Variants in GALNT10 observed in about 807,000 individuals in gnomAD.
GALNT10 encodes the protein polypeptide N-acetylgalactosaminyltransferase 10, also known as GalNAc transferase 10.
GALNT10 carries 41 observed loss-of-function variants against 75.0 expected under a neutral mutation model. The ratio of observed to expected loss-of-function variants is 0.55; its 90% confidence interval spans 0.43 to 0.71. The LOEUF (loss-of-function observed/expected upper bound fraction) is 0.71, where lower values mean the gene tolerates loss of function less well. GALNT10 is among the 30% of genes least tolerant of loss of function. The pLI is 0.00. For synonymous variants in GALNT10, 302 were observed against 313.0 expected, an observed-to-expected ratio of 0.96 and a Z score of 0.37; for missense variants, 727 against 818.5, an observed-to-expected ratio of 0.89 and a Z score of 1.36.
intron 4 of GALNT10, among the ~76,000 whole-genome samples, chr5:154,331,173 T>G (rs927414315): frequency 2.6e-5 from 4 of 152,136 alleles, no homozygotes; most frequent in Non-Finnish European, 5.9e-5. Flanking sequence ...TCACCACTGA[T>G]CCCAGCTCCT....
chr5:154,373,502 G>A (rs1755609382), intron 4 of GALNT10, among the ~76,000 whole-genome samples: 1 of 152,134 alleles, frequency 6.6e-6, no homozygotes, highest in South Asian at 2.1e-4. Context: ...TCCACTCTGA[G>A]CCTCGGCATC....
intron 7 of GALNT10, chr5:154,387,530 T>C (rs1755824738): frequency 2.0e-5 from 3 of 152,216 alleles, no homozygotes; most frequent in Admixed American, 2.0e-4. Flanking sequence ...GAATTAAGGC[T>C]TTGGTATTGG....
At chr5:154,407,292 A>G (rs1756301314) in intron 8 of GALNT10, among the ~76,000 whole-genome samples, 1 of 152,182 alleles carries the variant, frequency 6.6e-6, no homozygotes, top group South Asian at 2.1e-4. Context: ...TGAAATCCCA[A>G]GGTCCTTTTT....
intron 4 of GALNT10, among the ~76,000 whole-genome samples, chr5:154,363,312 T>C (rs996658176): frequency 2.6e-5 from 4 of 151,926 alleles, no homozygotes; most frequent in Non-Finnish European, 5.9e-5. Flanking sequence ...AAATGCATCA[T>C]ATTTAGAATC....
At chr5:154,293,610 T>C (rs1754228290) in intron 1 of GALNT10, among the ~76,000 whole-genome samples, 1 of 144,716 alleles carries the variant, frequency 6.9e-6, no homozygotes, top group South Asian at 2.1e-4. Flanking sequence ...TATATATATA[T>C]ATATTTTTTT....
chr5:154,399,059 A>G (rs757614048), intron 7 of GALNT10, among the ~76,000 whole-genome samples: 13 of 152,136 alleles, frequency 8.5e-5, no homozygotes, highest in Non-Finnish European at 1.8e-4. Flanking sequence ...AGCCATCATC[A>G]TCCCCACATC....
intron 6 of GALNT10, among the ~76,000 whole-genome samples, chr5:154,383,893 G>A (rs1755770240): frequency 6.6e-6 from 1 of 152,190 alleles, no homozygotes; most frequent in Admixed American, 6.5e-5. Context: ...AGAACTGCCT[G>A]AGACTGGGTA....
rs147858490 is a variant in GALNT10, at chr5:154,220,772, A to T, written c.159+29747A>T. On this transcript the variant is annotated intron_variant, in intron 1 of 11. Coordinates refer to ENST00000297107, the MANE Select transcript of GALNT10 (RefSeq NM_198321.4). The stretch of plus-strand genomic sequence containing the variant: ...GGTCTGGACTAGAAGAAGTCCAGGT[A>T]CCTTTCTGACAGACTCTGGGGTGAA... Among the ~76,000 whole-genome samples, 569 of 152,278 alleles carry T rather than the reference A, an allele frequency of 3.7e-3. 8 individuals carry two copies. The highest frequency in any genetic ancestry group is 0.013 in the African/African-American group (539 of 41,566).
In GALNT10 at chr5:154,236,964, G is replaced by T. The variant is rs79576004; in HGVS notation, c.159+45939G>T. ...GCTTTCTGCTTGGCAGTGTCTAGGG[G>T]TCTGGGGCAAAAAGATGTGTAGCTA... On this transcript the variant is annotated intron_variant, in intron 1 of 11. Coordinates refer to ENST00000297107, the MANE Select transcript of GALNT10 (RefSeq NM_198321.4). 4.4e-3 allele frequency among the ~76,000 whole-genome samples: 671 copies of T among 152,240 alleles called. 3 individuals carry two copies. Among genetic ancestry groups the T allele is most frequent in the Non-Finnish European group, 6.6e-3 (449 of 68,014 alleles).
At chr5:154,249,736 A>G (rs1389993706) in intron 1 of GALNT10, among the ~76,000 whole-genome samples, 1 of 152,156 alleles carries the variant, frequency 6.6e-6, no homozygotes, top group African/African-American at 2.4e-5. Context: ...AGTTTGAGAG[A>G]CAAAACTTCT....
intron 1 of GALNT10, among the ~76,000 whole-genome samples, chr5:154,256,639 A>G (rs1210160277): frequency 1.3e-5 from 2 of 152,118 alleles, no homozygotes; most frequent in Non-Finnish European, 2.9e-5. Context: ...TAAAAGAGAG[A>G]GGGCTTGTGA....
chr5:154,286,391 T>G (rs931090344), intron 1 of GALNT10, among the ~76,000 whole-genome samples: 6 of 152,086 alleles, frequency 3.9e-5, no homozygotes, highest in Admixed American at 6.5e-5. Flanking sequence ...ATTTGTTTTT[T>G]TTTTTTTTTC....
At position 154,292,340 on chromosome 5, in the gene GALNT10, G is replaced by C. The variant is rs184292339; in HGVS notation, c.160-2476G>C. Among the ~76,000 whole-genome samples the C allele has an allele frequency of 5.3e-4, 81 of 152,346 alleles. 1 individual carries two copies. In the South Asian group the frequency reaches 0.011, roughly 21 times the overall value. ...CCCTGGGAATTTGCATTTCTGGCAA[G>C]TTCCCAGGTGGCACCCATCCTGTCC... On this transcript the variant is annotated intron_variant, in intron 1 of 11. Transcript: ENST00000297107.
chr5:154,261,533 T>C (rs943988872), intron 1 of GALNT10, among the ~76,000 whole-genome samples: 2 of 152,192 alleles, frequency 1.3e-5, no homozygotes, highest in Non-Finnish European at 2.9e-5. Context: ...ATGTGTTCCA[T>C]TGCTTTTCTT....
intron 4 of GALNT10, among the ~76,000 whole-genome samples, chr5:154,334,279 A>G (rs777389124): frequency 1.6e-4 from 25 of 152,386 alleles, no homozygotes; most frequent in Non-Finnish European, 3.2e-4. Context: ...CAAGGACTCG[A>G]GTGGAAGCAG....
At chr5:154,207,438 G>A (rs933620044) in intron 1 of GALNT10, among the ~76,000 whole-genome samples, 3 of 152,158 alleles carry the variant, frequency 2.0e-5, no homozygotes, top group African/African-American at 4.8e-5. Flanking sequence ...GTAGGGCTGT[G>A]ACTGGCCTAC....
chr5:154,298,558 A>G lies in GALNT10; in HGVS notation c.401+479A>G, dbSNP rs188402003. Among the ~76,000 whole-genome samples, 373 of 152,342 alleles carry G rather than the reference A, an allele frequency of 2.4e-3. No individual in the cohort carries two copies. The highest frequency in any genetic ancestry group is 4.5e-3 in the Admixed American group (69 of 15,296). On this transcript the variant is annotated intron_variant, in intron 3 of 11. Transcript: ENST00000297107. The surrounding 1 kb of genome is among the most constrained non-coding windows in gnomAD (Gnocchi z 4.1). ...TTCTTTGAACCGGTACTATGTGCCA[A>G]ACGCTTTATTTGTATCATCTCAGGT... is the stretch of plus-strand genomic sequence containing the variant.
At chr5:154,255,264 G>GTGCACTCA (rs1161264814) in intron 1 of GALNT10, among the ~76,000 whole-genome samples, 3 of 152,110 alleles carry the variant, frequency 2.0e-5, no homozygotes, top group Non-Finnish European at 4.4e-5. Context: ...GACTCATCAA[G>GTGCACTCA]GTATATCCCT....
chr5:154,343,638 G>A (rs981506921), intron 4 of GALNT10, among the ~76,000 whole-genome samples: 1 of 152,306 alleles, frequency 6.6e-6, no homozygotes, highest in South Asian at 2.1e-4. Context: ...ATAGAAGAAT[G>A]TGCTTGAGGC....
Sources: allele counts gnomAD v4.1 joint callset (sites outside exome capture counted in the v4.1 genomes callset), GRCh38; gene constraint gnomAD v4.1.1; non-coding constraint Gnocchi (gnomAD v3.1); transcripts MANE v1.5; gene names NCBI Gene and HGNC (gene_info 2026-07-23, HGNC 2026-07-21).